Variants in NEK7 observed in about 807,000 individuals in gnomAD.
NEK7 encodes the protein serine/threonine-protein kinase Nek7.
NEK7 carries 18 observed loss-of-function variants against 44.6 expected under a neutral mutation model. That is an observed-to-expected ratio of 0.40 (90% confidence interval 0.28 to 0.60). The LOEUF (loss-of-function observed/expected upper bound fraction) is 0.60, where lower values mean the gene tolerates loss of function less well. Among genes scored for constraint, NEK7 ranks in the 20% least tolerant of loss-of-function variants. The pLI, the probability that NEK7 is intolerant of heterozygous loss-of-function variation, is 0.38. For synonymous variants in NEK7, 130 were observed against 121.1 expected, an observed-to-expected ratio of 1.07 and a Z score of -0.48; for missense variants, 256 against 366.5, an observed-to-expected ratio of 0.70 and a Z score of 2.46.
chr1:198,220,148 G>C (rs1666042443), intron 1 of NEK7, among the ~76,000 whole-genome samples: 1 of 151,836 alleles, frequency 6.6e-6, no homozygotes, highest in African/African-American at 2.4e-5. Flanking sequence ...TAACTCATAG[G>C]TTCTTACTTT....
At chr1:198,279,177 A>G in intron 7 of NEK7, 116 bp downstream of exon 7, 1 of 650,384 alleles carries the variant, frequency 1.5e-6, no homozygotes. Flanking sequence ...TTTAAAAATC[A>G]CCAGGTCCTG....
chr1:198,208,637 GT>G (rs1665666821), intron 1 of NEK7: 1 of 152,128 alleles, frequency 6.6e-6, no homozygotes, highest in African/African-American at 2.4e-5. Flanking sequence ...TGTACAATGT[GT>G]GCATATTTCA....
rs11325777 is a variant in NEK7 at position 198,234,307 on chromosome 1, ATT to A, written c.57+1680_57+1681del. Reference sequence around the variant, plus strand: ...GGCCAATATTTTGATTTCAAGAAGAATTTTTTTTTTTAAGTCCCCATATATAT... The same window carrying A: ...GGCCAATATTTTGATTTCAAGAAGAATTTTTTTTTAAGTCCCCATATATAT... On this transcript the variant is annotated intron_variant, in intron 2 of 9. Transcript: ENST00000367385. 3.1e-3 allele frequency among the ~76,000 whole-genome samples: 459 copies of A among 149,908 alleles called. 3 individuals carry two copies. Among genetic ancestry groups the A allele is most frequent in the East Asian group, 6.2e-3 (32 of 5,146 alleles).
chr1:198,184,776 C>T lies in NEK7; in HGVS notation c.-29+27500C>T, dbSNP rs1037809834. On this transcript the variant is annotated intron_variant, in intron 1 of 9. Transcript: ENST00000367385. ...TTCGAACTCCAGGGCTGAAGTGGTC[C>T]TCTTGCTTCGGCCTCCCAAGTAGCT... Among the ~76,000 whole-genome samples the T allele has an allele frequency of 8.1e-4, 123 of 152,110 alleles. 1 individual carries two copies. Among genetic ancestry groups the T allele is most frequent in the Admixed American group, 2.0e-4 (3 of 15,264 alleles).
chr1:198,310,845 G>A (rs1164489364), intron 9 of NEK7, among the ~76,000 whole-genome samples: 3 of 151,852 alleles, frequency 2.0e-5, no homozygotes, highest in Admixed American at 6.6e-5. Flanking sequence ...CTGTAGCCTT[G>A]TAGTATAGTT....
At position 198,317,881 on chromosome 1, in the gene NEK7, T is replaced by TTGTTG. The variant is rs757187317; in HGVS notation, c.799-1530_799-1529insGTTGT. On this transcript the variant is annotated intron_variant, in intron 9 of 9. Coordinates refer to ENST00000367385, the MANE Select transcript of NEK7 (RefSeq NM_133494.3). ...TGTGTATTACTGGATATATTTATTT[T>TTGTTG]TTTTTTTTTTTTTTTTTTTGGTAAC... 3.2e-4 allele frequency among the ~76,000 whole-genome samples: 33 copies of TTGTTG among 101,594 alleles called. 1 individual carries two copies. Among genetic ancestry groups the TTGTTG allele is most frequent in the African/African-American group, 1.4e-3 (30 of 21,674 alleles). 66.6% of individuals were successfully genotyped at this position (101,594 alleles called of 152,430 possible). A position where few individuals can be genotyped will look rare whatever the true frequency, so the allele number is the denominator to read the frequency against.
chr1:198,213,595 A>G (rs1000833879), intron 1 of NEK7, among the ~76,000 whole-genome samples: 2 of 152,104 alleles, frequency 1.3e-5, no homozygotes, highest in African/African-American at 2.4e-5. Flanking sequence ...CCCTCTCTAC[A>G]TGGAACATCA....
At chr1:198,256,599 C>A in intron 3 of NEK7, 2 of 1,289,814 alleles carry the variant, frequency 1.6e-6, no homozygotes, top group Non-Finnish European at 1.0e-6. Context: ...TCATTGAATT[C>A]ATTCCTCCAG....
chr1:198,161,878 A>T (rs894559351), intron 1 of NEK7, among the ~76,000 whole-genome samples: 1 of 152,048 alleles, frequency 6.6e-6, no homozygotes, highest in South Asian at 2.1e-4. Context: ...TTCTTTGTCT[A>T]GTAGTTTTTA....
At chr1:198,180,081 A>G (rs1028036823) in intron 1 of NEK7, among the ~76,000 whole-genome samples, 8 of 152,132 alleles carry the variant, frequency 5.3e-5, no homozygotes, top group Non-Finnish European at 5.9e-5. Flanking sequence ...TAAAATGTCA[A>G]TAAAGCATAT....
At chr1:198,234,063 TCTC>T (rs1480341370) in intron 2 of NEK7, among the ~76,000 whole-genome samples, 3 of 152,080 alleles carry the variant, frequency 2.0e-5, no homozygotes, top group Non-Finnish European at 4.4e-5. Flanking sequence ...TAGGTTAAAA[TCTC>T]CTTGAGGGAA....
chr1:198,221,140 C>G (rs1010720520), intron 1 of NEK7: 1 of 151,956 alleles, frequency 6.6e-6, no homozygotes, highest in Non-Finnish European at 1.5e-5. Flanking sequence ...TTTAAGATTT[C>G]ATACTGTGTC....
At chr1:198,197,229 T>C (rs1299531153) in intron 1 of NEK7, among the ~76,000 whole-genome samples, 1 of 152,246 alleles carries the variant, frequency 6.6e-6, no homozygotes, top group East Asian at 1.9e-4. Flanking sequence ...TATTGCAGTT[T>C]CATTAGTTTC....
chr1:198,254,614 A>AAC (rs1334255073), intron 3 of NEK7, among the ~76,000 whole-genome samples: 1 of 152,174 alleles, frequency 6.6e-6, no homozygotes, highest in Non-Finnish European at 1.5e-5. Context: ...TGCTATTACA[A>AAC]ACAATGCTTC....
At chr1:198,215,334 A>G (rs1348111439) in intron 1 of NEK7, among the ~76,000 whole-genome samples, 4 of 152,192 alleles carry the variant, frequency 2.6e-5, no homozygotes, top group East Asian at 1.9e-4. Flanking sequence ...CAATATTTAT[A>G]TTGAATGTAA....
chr1:198,175,059 G>T (rs935535717), intron 1 of NEK7, among the ~76,000 whole-genome samples: 3 of 152,130 alleles, frequency 2.0e-5, no homozygotes, highest in African/African-American at 4.8e-5. Context: ...TACCGTGCCT[G>T]TTAGGAAAGC....
At chr1:198,179,288 A>T (rs936132959) in intron 1 of NEK7, among the ~76,000 whole-genome samples, 3 of 152,090 alleles carry the variant, frequency 2.0e-5, no homozygotes, top group African/African-American at 4.8e-5. Context: ...AGTGGATTTT[A>T]GGAAATTTGT....
intron 1 of NEK7, among the ~76,000 whole-genome samples, chr1:198,170,058 C>T (rs1664391559): frequency 2.0e-5 from 3 of 151,948 alleles, no homozygotes; most frequent in South Asian, 2.1e-4. Flanking sequence ...GCCAGGCACA[C>T]GTCTCTGCAA....
intron 1 of NEK7, among the ~76,000 whole-genome samples, chr1:198,189,899 T>C (rs1665024116): frequency 6.6e-6 from 1 of 152,112 alleles, no homozygotes; most frequent in Non-Finnish European, 1.5e-5. Context: ...GTTAAACTTA[T>C]CTCCAGGTTT....
Sources: gnomAD v4.1 joint callset for allele counts (sites outside exome capture counted in the v4.1 genomes callset) on GRCh38, gnomAD v4.1.1 for gene constraint, MANE v1.5 for transcripts, NCBI Gene and HGNC (gene_info 2026-07-23, HGNC 2026-07-21) for gene names.